Variants in NAV2 observed in about 807,000 individuals in gnomAD.
The protein encoded by NAV2 is neuron navigator 2, also known as helicase, APC down-regulated 1.
NAV2 carries 54 observed loss-of-function variants against 223.2 expected under a neutral mutation model. That is an observed-to-expected ratio of 0.24 (90% CI 0.19 to 0.30). The LOEUF (loss-of-function observed/expected upper bound fraction) is 0.30, where lower values mean the gene tolerates loss of function less well. Among genes scored for constraint, NAV2 ranks in the 10% least tolerant of loss-of-function variants. The probability of loss-of-function intolerance (pLI) is 1.00; values close to 1 mark genes in which losing one functional copy is unlikely to be tolerated. For synonymous variants in NAV2, 1,279 were observed against 1,239.3 expected, an observed-to-expected ratio of 1.03 and a Z score of -0.67; for missense variants, 2,806 against 3,147.5, an observed-to-expected ratio of 0.89 and a Z score of 2.60.
upstream of NAV2, among the ~76,000 whole-genome samples, chr11:19,348,221 A>G (rs1853106815): frequency 2.6e-5 from 4 of 152,362 alleles, no homozygotes; most frequent in Non-Finnish European, 5.9e-5. Context: ...GGCCTGGCAC[A>G]GAGTGCAGAG....
intron 1 of NAV2, among the ~76,000 whole-genome samples, chr11:19,828,749 G>A (rs1015841060): frequency 7.2e-5 from 11 of 152,142 alleles, no homozygotes; most frequent in African/African-American, 2.4e-4. Context: ...TCAGTGGGAA[G>A]TGGGGAGCCA....
At chr11:19,599,608 G>T (rs1590647047) in intron 1 of NAV2, among the ~76,000 whole-genome samples, 1 of 152,166 alleles carries the variant, frequency 6.6e-6, no homozygotes, top group East Asian at 1.9e-4. Context: ...CTGTACCTTG[G>T]TTTATTTAGA....
intron 26 of NAV2, among the ~76,000 whole-genome samples, chr11:20,087,352 A>T (rs565166294): frequency 1.3e-5 from 2 of 152,198 alleles, no homozygotes; most frequent in Admixed American, 1.3e-4. Context: ...CACACTGGAG[A>T]TGTTTGTTTT....
Position 19,939,765 on chromosome 11 carries a change from AACTC to A in NAV2, c.2142_2145del (p.Thr715GlyfsTer12). On this transcript the variant is annotated frameshift_variant, in exon 8 of 38. Transcript: ENST00000349880. LOFTEE classifies it high-confidence loss of function. Reference sequence around the variant, plus strand: ...AAGACTGGACAGCCTGCTCTGGAAGAACTCACTGGTGAGTATGGAGCCTCAGAAA... The same window carrying A: ...AAGACTGGACAGCCTGCTCTGGAAGAACTGGTGAGTATGGAGCCTCAGAAA... 2 of 1,613,652 alleles carry A rather than the reference AACTC, an allele frequency of 1.2e-6. No individual in the cohort carries two copies. Among genetic ancestry groups the A allele is most frequent in the Non-Finnish European group, 1.7e-6 (2 of 1,179,618 alleles).
chr11:19,993,767 G>A (rs540296644), intron 11 of NAV2, among the ~76,000 whole-genome samples: 1 of 152,156 alleles, frequency 6.6e-6, no homozygotes, highest in African/African-American at 2.4e-5. Flanking sequence ...TAGTTGAGTT[G>A]GTTAAGGAAT....
chr11:19,457,872 G>T (rs1210339678), intron 1 of NAV2, among the ~76,000 whole-genome samples: 1 of 152,198 alleles, frequency 6.6e-6, no homozygotes, highest in African/African-American at 2.4e-5. Context: ...TTGCCCCCAA[G>T]AAATAATTAC....
chr11:19,351,857 G>A (rs894137461), intron 1 of NAV2, among the ~76,000 whole-genome samples: 12 of 147,868 alleles, frequency 8.1e-5, no homozygotes. Context: ...TTTCAGAGTG[G>A]TGTGGGTATC....
chr11:19,466,984 TACACACA>T (rs1852375491), intron 1 of NAV2, among the ~76,000 whole-genome samples: 1 of 125,142 alleles, frequency 8.0e-6, no homozygotes, highest in South Asian at 2.9e-4. Flanking sequence ...TCTCTCTCTC[TACACACA>T]CACACACACA....
chr11:19,410,915 G>A (rs1850117756), intron 1 of NAV2, among the ~76,000 whole-genome samples: 1 of 152,100 alleles, frequency 6.6e-6, no homozygotes, highest in South Asian at 2.1e-4. Flanking sequence ...ACAGAGAGCA[G>A]CTTGACATCA....
intron 10 of NAV2, among the ~76,000 whole-genome samples, chr11:19,981,962 C>T (rs939893577): frequency 4.6e-5 from 7 of 152,122 alleles, no homozygotes; most frequent in African/African-American, 1.7e-4. Context: ...AGCCCTATGG[C>T]TGTGTCTTTG....
At chr11:20,056,685 GCTGA>G in intron 19 of NAV2, 10 of 1,144,198 alleles carry the variant, frequency 8.7e-6, no homozygotes, top group Non-Finnish European at 1.3e-5. Flanking sequence ...TGAAGATGGG[GCTGA>G]TGGGACATTG....
chr11:19,551,454 C>T (rs907784279), intron 1 of NAV2, among the ~76,000 whole-genome samples: 5 of 152,218 alleles, frequency 3.3e-5, no homozygotes, highest in East Asian at 1.9e-4. Context: ...TGGACCCAGA[C>T]GGCTGCTCCC....
intron 11 of NAV2, among the ~76,000 whole-genome samples, chr11:20,001,123 GTCTCTAGCACGC>G (rs1261603804): frequency 2.0e-5 from 3 of 152,100 alleles, no homozygotes; most frequent in Non-Finnish European, 2.9e-5. Context: ...ACACTTGGCA[GTCTCTAGCACGC>G]TCCGGGGTAT....
intron 1 of NAV2, among the ~76,000 whole-genome samples, chr11:19,357,740 A>C (rs1432800294): frequency 6.6e-6 from 1 of 152,244 alleles, no homozygotes; most frequent in Non-Finnish European, 1.5e-5. Context: ...TTTCAGAAGT[A>C]CAGTCAGTGG....
At chr11:19,674,028 T>G (rs911404324) in intron 1 of NAV2, among the ~76,000 whole-genome samples, 1 of 152,186 alleles carries the variant, frequency 6.6e-6, no homozygotes, top group Admixed American at 6.5e-5. Flanking sequence ...TAACAGCAAC[T>G]CAGGGGCGCT....
chr11:19,820,985 G>A (rs1020039739), intron 1 of NAV2, among the ~76,000 whole-genome samples: 8 of 152,160 alleles, frequency 5.3e-5, no homozygotes, highest in African/African-American at 1.4e-4. Flanking sequence ...ATCGAGGGCC[G>A]GGCGCAGTGG....
rs757183666 is a variant in NAV2, at chr11:19,787,270, C to CTTTTTTTTTTTTTTTTTTTTTTTTTTTTT, written c.268-45186_268-45185insTTTTTTTTTTTTTTTTTTTTTTTTTTTTT. On this transcript the variant is annotated intron_variant, in intron 1 of 37. Coordinates refer to ENST00000349880, the MANE Select transcript of NAV2 (RefSeq NM_145117.5). ...CATGCCTGGCTAATTTTTATTGGAT[C>CTTTTTTTTTTTTTTTTTTTTTTTTTTTTT]TTTTTTTTTTTTTTTTTTTTTTTTT... Among the ~76,000 whole-genome samples, 2 of 55,008 alleles carry CTTTTTTTTTTTTTTTTTTTTTTTTTTTTT rather than the reference C, an allele frequency of 3.6e-5. 1 individual carries two copies. The allele number at this position is 55,008 out of a possible 152,430, so 36.1% of individuals were successfully genotyped here.
At chr11:19,856,122 C>T (rs1423111659) in intron 3 of NAV2, among the ~76,000 whole-genome samples, 2 of 152,154 alleles carry the variant, frequency 1.3e-5, no homozygotes, top group Non-Finnish European at 2.9e-5. Context: ...AAGATGTAAA[C>T]AGTAACAGAG....
chr11:19,607,782 G>C (rs139760327), intron 1 of NAV2, among the ~76,000 whole-genome samples: 1 of 152,178 alleles, frequency 6.6e-6, no homozygotes, highest in African/African-American at 2.4e-5. Flanking sequence ...GAGAAGCGTC[G>C]TGTGTAAAGG....
Sources: allele counts gnomAD v4.1 joint callset (sites outside exome capture counted in the v4.1 genomes callset), GRCh38; gene constraint gnomAD v4.1.1; transcripts MANE v1.5; gene names NCBI Gene and HGNC (gene_info 2026-07-23, HGNC 2026-07-21).